The following CAMTA1 variants were observed in gnomAD, a reference collection of about 807,000 sequenced individuals.
The protein encoded by CAMTA1 is calmodulin binding transcription activator 1.
A neutral mutation model predicts 170.9 loss-of-function variants in CAMTA1; 27 were observed. The observed-to-expected ratio is 0.16, with a 90% CI of 0.12 to 0.22. The LOEUF is 0.22. Among genes scored for constraint, CAMTA1 ranks in the 10% least tolerant of loss-of-function variants. CAMTA1 has a pLI of 1.00. For missense variants in CAMTA1, 1,619 were observed against 2,217.2 expected, an observed-to-expected ratio of 0.73 and a Z score of 5.42; for synonymous variants, 833 against 891.5, an observed-to-expected ratio of 0.93 and a Z score of 1.17.
intron 1 of CAMTA1, among the ~76,000 whole-genome samples, chr1:6,803,742 T>C (rs1379449744): frequency 6.6e-6 from 1 of 152,184 alleles, no homozygotes; most frequent in Non-Finnish European, 1.5e-5. Context: ...TTAAAGATGG[T>C]CTCACTCTGT....
chr1:7,378,851 A>G (rs896205954), intron 5 of CAMTA1, among the ~76,000 whole-genome samples: 5 of 152,140 alleles, frequency 3.3e-5, no homozygotes, highest in Non-Finnish European at 5.9e-5. Flanking sequence ...CAGCAGGTGC[A>G]TTTAAAGTGG....
At chr1:6,985,920 G>A (rs923691705) in intron 3 of CAMTA1, among the ~76,000 whole-genome samples, 4 of 152,238 alleles carry the variant, frequency 2.6e-5, no homozygotes, top group African/African-American at 9.6e-5. Context: ...GCACCTCTGT[G>A]TATGGGCAGG....
Position 7,086,459 on chromosome 1 carries a change from A to G in CAMTA1, c.235-4845A>G, listed in dbSNP as rs115093140. Among the ~76,000 whole-genome samples the G allele has an allele frequency of 6.1e-3, 930 of 152,246 alleles. 5 individuals carry two copies. The highest frequency in any genetic ancestry group is 0.014 in the Middle Eastern group (4 of 294). ...TGTGGTAAAAGACACATAACATAAA[A>G]TTTACCATCAGTGGTCATTAGTACA... On this transcript the variant is annotated intron_variant, in intron 3 of 22. Transcript: ENST00000303635.
In CAMTA1 at chr1:7,527,022, C is replaced by T. The variant is rs548485734; in HGVS notation, c.510+59121C>T. ...GTCTCTCCACCCCCACGGCTATCAC[C>T]GGGGCATGCAGACCTGACTCTTCCT... On this transcript the variant is annotated intron_variant, in intron 6 of 22. Transcript: ENST00000303635. Among the ~76,000 whole-genome samples, 3 of 152,278 alleles carry T rather than the reference C, an allele frequency of 2.0e-5. No homozygotes were observed. The South Asian group carries it at 6.2e-4, about 32-fold the overall frequency.
At chr1:7,498,253 A>ACT (rs2093868746) in intron 6 of CAMTA1, among the ~76,000 whole-genome samples, 1 of 139,682 alleles carries the variant, frequency 7.2e-6, no homozygotes, top group African/African-American at 2.6e-5. Context: ...TGTGTGGGAG[A>ACT]GTGTATGAGA....
chr1:7,319,747 A>C (rs865881735), intron 5 of CAMTA1, among the ~76,000 whole-genome samples: 1 of 152,210 alleles, frequency 6.6e-6, no homozygotes, highest in Non-Finnish European at 1.5e-5. Context: ...AGATTCAACA[A>C]TGAGCAAAAT....
At chr1:7,117,498 A>T (rs1558124783) in intron 4 of CAMTA1, among the ~76,000 whole-genome samples, 1 of 152,064 alleles carries the variant, frequency 6.6e-6, no homozygotes, top group Non-Finnish European at 1.5e-5. Flanking sequence ...GCTATGTCCT[A>T]GCACTTACCA....
chr1:6,997,477 TC>T lies in CAMTA1; in HGVS notation c.235-93825del, dbSNP rs368119459. Reference sequence around the variant, plus strand: ...GTCGCGTCTCTCCCTATCTTACCTGTCCTTTGGCTCTTCGGGCAGCCTCTCA... The same window carrying T: ...GTCGCGTCTCTCCCTATCTTACCTGTCTTTGGCTCTTCGGGCAGCCTCTCA... On this transcript the variant is annotated intron_variant, in intron 3 of 22. Transcript: ENST00000303635. 1.8e-3 allele frequency among the ~76,000 whole-genome samples: 279 copies of T among 152,220 alleles called. 1 individual carries two copies. The highest frequency in any genetic ancestry group is 6.4e-3 in the African/African-American group (267 of 41,530).
intron 5 of CAMTA1, among the ~76,000 whole-genome samples, chr1:7,459,898 G>A (rs552043430): frequency 2.6e-5 from 4 of 152,350 alleles, no homozygotes; most frequent in East Asian, 1.9e-4. Context: ...GATGGTGAGC[G>A]GGTCAGAGCC....
At chr1:6,996,709 GAAAGAAAA>G (rs1196241820) in intron 3 of CAMTA1, among the ~76,000 whole-genome samples, 1 of 150,132 alleles carries the variant, frequency 6.7e-6, no homozygotes, top group Admixed American at 6.6e-5. Context: ...AAGAAAGAAA[GAAAGAAAA>G]AAAGTCACAA....
intron 5 of CAMTA1, among the ~76,000 whole-genome samples, chr1:7,308,002 G>C (rs1219977045): frequency 6.6e-6 from 1 of 151,702 alleles, no homozygotes; most frequent in East Asian, 1.9e-4. Context: ...TTTTCAGAAA[G>C]TTTTAAACTA....
chr1:7,654,738 C>G (rs930594209), intron 7 of CAMTA1, among the ~76,000 whole-genome samples: 3 of 113,548 alleles, frequency 2.6e-5, no homozygotes, highest in Non-Finnish European at 5.5e-5. Context: ...CACCCACACA[C>G]CTATACACAC....
intron 3 of CAMTA1, among the ~76,000 whole-genome samples, chr1:7,070,946 G>A (rs1471346087): frequency 6.6e-6 from 1 of 152,226 alleles, no homozygotes; most frequent in Non-Finnish European, 1.5e-5. Flanking sequence ...GCGCTGACTT[G>A]GTGTGTGTTT....
At chr1:7,000,713 T>C (rs1698098324) in intron 3 of CAMTA1, among the ~76,000 whole-genome samples, 1 of 152,188 alleles carries the variant, frequency 6.6e-6, no homozygotes, top group Non-Finnish European at 1.5e-5. Flanking sequence ...TTCTTCCACA[T>C]TCCCACCCTT....
chr1:7,495,994 C>A (rs1360827264), intron 6 of CAMTA1, among the ~76,000 whole-genome samples: 1 of 152,164 alleles, frequency 6.6e-6, no homozygotes, highest in African/African-American at 2.4e-5. Context: ...CCTTGCTTGG[C>A]CCTCTGAACT....
intron 3 of CAMTA1, among the ~76,000 whole-genome samples, chr1:6,842,935 A>G (rs749943209): frequency 1.6e-4 from 25 of 152,276 alleles, no homozygotes; most frequent in Middle Eastern, 3.4e-3. Context: ...AAAAAAAAAA[A>G]AGAAGGAAGC....
intron 7 of CAMTA1, among the ~76,000 whole-genome samples, chr1:7,658,848 G>A (rs2095929139): frequency 6.6e-6 from 1 of 152,222 alleles, no homozygotes; most frequent in African/African-American, 2.4e-5. Flanking sequence ...AGGTGCTTAG[G>A]GGGATGCTGG....
At chr1:7,038,812 G>C (rs763646377) in intron 3 of CAMTA1, among the ~76,000 whole-genome samples, 39 of 152,198 alleles carry the variant, frequency 2.6e-4, no homozygotes, top group Non-Finnish European at 4.8e-4. Flanking sequence ...GGCCGAGGTG[G>C]GCAGATCACT....
intron 3 of CAMTA1, among the ~76,000 whole-genome samples, chr1:7,004,354 C>T (rs1356550581): frequency 6.6e-6 from 1 of 152,068 alleles, no homozygotes; most frequent in East Asian, 1.9e-4. Context: ...GGGTCTGGAA[C>T]CTGAAAGTGG....
Sources: allele counts gnomAD v4.1 joint callset (sites outside exome capture counted in the v4.1 genomes callset), GRCh38; gene constraint gnomAD v4.1.1; transcripts MANE v1.5; gene names NCBI Gene and HGNC (gene_info 2026-07-23, HGNC 2026-07-21).